SNAPC4: variants seen among roughly 807,000 people sequenced by gnomAD.
SNAPC4 encodes small nuclear RNA activating complex polypeptide 4.
In SNAPC4, 127 loss-of-function variants were observed where a neutral mutation model predicts 151.3. The ratio of observed to expected loss-of-function variants is 0.84; its 90% CI spans 0.73 to 0.97. The LOEUF (loss-of-function observed/expected upper bound fraction) is 0.97, where lower values mean the gene tolerates loss of function less well. Among genes scored for constraint, SNAPC4 ranks in the 50% least tolerant of loss-of-function variants. The pLI, the probability that SNAPC4 is intolerant of heterozygous loss-of-function variation, is 0.00. For synonymous variants in SNAPC4, 1,002 were observed against 824.4 expected (o/e 1.22, Z -3.69); for missense variants, 2,186 against 1,935.0 (o/e 1.13, Z -2.43).
At chr9:136,390,486 C>T (rs1201254092) in intron 10 of SNAPC4, among the ~76,000 whole-genome samples, 5 of 124,420 alleles carry the variant, frequency 4.0e-5, no homozygotes, top group African/African-American at 6.1e-5. Flanking sequence ...ACCCGGGAGG[C>T]GGAGCTTGCG....
chr9:136,399,173 C>T (rs1834370214), intron 1 of SNAPC4, among the ~76,000 whole-genome samples: 1 of 152,302 alleles, frequency 6.6e-6, no homozygotes, highest in African/African-American at 2.4e-5. Flanking sequence ...AGCACAGACC[C>T]GGGAGCCCAA....
intron 4 of SNAPC4, 46 bp from the exon 5 acceptor site, chr9:136,395,469 T>C: frequency 1.3e-6 from 2 of 1,597,682 alleles, no homozygotes; most frequent in Non-Finnish European, 1.7e-6. Flanking sequence ...CCAGCAGCAA[T>C]GACTCTCCCT....
chr9:136,384,720 C>T lies in SNAPC4; in HGVS notation c.1420G>A (p.Gly474Ser), dbSNP rs1398043724. The T allele has an allele frequency of 3.5e-6, 5 of 1,434,768 alleles. No individual in the cohort carries two copies. The highest frequency in any genetic ancestry group is 1.4e-5 in the African/African-American group (1 of 70,180). The allele number at this position is 1,434,768 out of a possible 1,614,324, so 88.9% of individuals were successfully genotyped here. A position where few individuals can be genotyped will look rare whatever the true frequency, so the allele number is the denominator to read the frequency against. Residue 474 changes from glycine to serine, a missense_variant and splice_region_variant, in exon 14 of 24, where the codon GGT becomes AGT. Transcript: ENST00000684778. ...GAAGAACAAACTGTCAGCAACTTAC[C>T]GACACCATATTTTTCTATTAATTCA... ...LIELIEKYGV[G>S]HWAKIASELP...
chr9:136,395,418 T>C lies in SNAPC4; in HGVS notation c.351A>G (p.Glu117=). The part of the protein sequence containing the change: ...LLAQNREQQE[E]LMRDLAGSKG... ...TGGACCCAGCCAGATCCCTCATGAG[T>C]TCCTCCTGTGACAGACACAAGGCAG... The change falls in exon 5 of 24, where the codon GAA becomes GAG. Residue 117 remains glutamate (E), a synonymous_variant. Coordinates refer to ENST00000684778, the MANE Select transcript of SNAPC4 (RefSeq NM_003086.4). 4 of 1,612,546 alleles carry C rather than the reference T, an allele frequency of 2.5e-6. No homozygotes were observed. The highest frequency in any genetic ancestry group is 3.4e-6 in the Non-Finnish European group (4 of 1,179,538).
In SNAPC4 at chr9:136,378,692, G is replaced by A. The variant is rs777127827; in HGVS notation, c.3135C>T (p.Pro1045=). The change falls in exon 22 of 24, where the codon CCC becomes CCT. Residue 1045 remains proline, a synonymous_variant. Transcript: ENST00000684778. The stretch of plus-strand genomic sequence containing the variant: ...GCAGTGGGGTGGGGCTGGGGGCTGC[G>A]GGGAGAAAGGGTGGCGCCTCAGGCA... ...QGLPEAPPFL[P]AAPSPTPLPV... is the part of the protein sequence containing the mutation. The A allele has an allele frequency of 1.2e-5, 18 of 1,494,754 alleles. No homozygotes were observed. The highest frequency in any genetic ancestry group is 4.1e-5 in the South Asian group (3 of 74,028). 92.6% of individuals were successfully genotyped at this position (1,494,754 alleles called of 1,614,324 possible). A position where few individuals can be genotyped will look rare whatever the true frequency, so the allele number is the denominator to read the frequency against.
In SNAPC4 at chr9:136,378,740, G is replaced by A. The variant is rs764912947; in HGVS notation, c.3087C>T (p.Pro1029=). Residue 1029 remains proline, a synonymous_variant, in exon 22 of 24, where the codon CCC becomes CCT. Transcript: ENST00000684778. Reference sequence around the variant, plus strand: ...GCAGGCCCTGCTTCCGGGATGCAGCGGGGGCCTGAGACTGTCCGAGACCAC... The same window carrying A: ...GCAGGCCCTGCTTCCGGGATGCAGCAGGGGCCTGAGACTGTCCGAGACCAC... ...PESGLGQSQA[P]AASRKQGLPE... 3.5e-5 allele frequency: 53 copies of A among 1,517,924 alleles called. No individual in the cohort carries two copies. Among genetic ancestry groups the A allele is most frequent in the African/African-American group, 5.5e-5 (4 of 72,652 alleles). The allele number at this position is 1,517,924 out of a possible 1,614,324, so 94.0% of individuals were successfully genotyped here. A position where few individuals can be genotyped will look rare whatever the true frequency, so the allele number is the denominator to read the frequency against.
At chr9:136,389,142 A>G (rs929426093) in intron 10 of SNAPC4, among the ~76,000 whole-genome samples, 2 of 152,156 alleles carry the variant, frequency 1.3e-5, no homozygotes, top group Non-Finnish European at 2.9e-5. Flanking sequence ...GGCTCGGCTC[A>G]GCAAACCCAC....
chr9:136,394,783 C>A lies in SNAPC4; in HGVS notation c.550+17G>T. 2.5e-6 allele frequency: 4 copies of A among 1,612,220 alleles called. No homozygotes were observed. Among genetic ancestry groups the A allele is most frequent in the Non-Finnish European group, 3.4e-6 (4 of 1,178,886 alleles). On this transcript the variant is annotated intron_variant, in intron 6 of 23. Transcript: ENST00000684778. ...TCCCAAGCTCAGGGGTGCCGCAGGG[C>A]CGGCCAGGGCTCTTACATTTGGTCA...
Position 136,383,758 on chromosome 9 carries a change from C to T in SNAPC4, c.1501-90G>A, listed in dbSNP as rs1017217971. ...CAGGCCAGCCCTTTGGGGAGAGGCC[C>T]AAGCGGGGGCGCCTCCGGGGTCAAG... On this transcript the variant is annotated intron_variant, in intron 15 of 23. Transcript: ENST00000684778. The surrounding 1 kb of genome is among the most constrained non-coding windows in gnomAD (Gnocchi z 4.2). The T allele has an allele frequency of 1.6e-5, 24 of 1,506,894 alleles. No individual in the cohort carries two copies. The highest frequency in any genetic ancestry group is 2.2e-5 in the Non-Finnish European group (24 of 1,112,274). The allele number at this position is 1,506,894 out of a possible 1,614,324, so 93.3% of individuals were successfully genotyped here.
chr9:136,381,524 G>T, intron 18 of SNAPC4, 132 bp from the exon 19 acceptor site: 1 of 836,442 alleles, frequency 1.2e-6, no homozygotes, highest in Non-Finnish European at 1.9e-6. Flanking sequence ...GGGAGGGGAG[G>T]CCTTGGAACC....
At chr9:136,385,031 G>GC (rs1833845175) in intron 13 of SNAPC4, among the ~76,000 whole-genome samples, 1 of 152,210 alleles carries the variant, frequency 6.6e-6, no homozygotes, top group South Asian at 2.1e-4. Context: ...GAGAACGTTT[G>GC]CAAGTCACGT....
Position 136,380,818 on chromosome 9 carries a change from C to A in SNAPC4, c.2421G>T (p.Glu807Asp), listed in dbSNP as rs771588868. ...LFHIDTAGCL[E>D]VVRERKALPP... ...GCAGGGCCTTCCTCTCTCGGACGAC[C>A]TCCAAGCAGCCGGCAGTATCGATGT... Residue 807 changes from glutamate (E) to aspartate (D), a missense_variant, in exon 20 of 24, where the codon GAG (glutamate) becomes GAT (aspartate). Transcript: ENST00000684778. The A allele has an allele frequency of 6.2e-7, 1 of 1,611,452 alleles. No homozygotes were observed. Among genetic ancestry groups the A allele is most frequent in the Non-Finnish European group, 8.5e-7 (1 of 1,178,626 alleles).
intron 13 of SNAPC4, among the ~76,000 whole-genome samples, chr9:136,385,291 T>C (rs952584548): frequency 3.3e-5 from 5 of 152,168 alleles, no homozygotes; most frequent in African/African-American, 9.7e-5. Flanking sequence ...CAAGTGCTGG[T>C]GAGAGTGTGG....
chr9:136,381,586 C>A (rs1444694227), intron 18 of SNAPC4, among the ~76,000 whole-genome samples, 194 bp from the exon 19 acceptor site: 1 of 152,182 alleles, frequency 6.6e-6, no homozygotes, highest in Non-Finnish European at 1.5e-5. Context: ...GCCCTGTCAC[C>A]ACCAAGCTGC....
At chr9:136,395,191 A>G in intron 5 of SNAPC4, 107 bp downstream of exon 5, 1 of 1,417,144 alleles carries the variant, frequency 7.1e-7, no homozygotes, top group Non-Finnish European at 9.6e-7. Flanking sequence ...GGCCAATGTT[A>G]TCTTGAACTC....
chr9:136,388,764 T>C (rs73670247), intron 10 of SNAPC4, among the ~76,000 whole-genome samples, 173 bp from the exon 11 acceptor site: 1,632 of 152,250 alleles, frequency 0.011, 25 homozygotes, highest in African/African-American at 0.036. Flanking sequence ...CACCCCACGG[T>C]AGGAAGACAA....
chr9:136,377,810 C>A lies in SNAPC4; in HGVS notation c.4017G>T (p.Arg1339=). 1.2e-6 allele frequency: 2 copies of A among 1,611,584 alleles called. No individual in the cohort carries two copies. Among genetic ancestry groups the A allele is most frequent in the South Asian group, 1.1e-5 (1 of 91,060 alleles). Residue 1339 remains arginine, a synonymous_variant, in exon 22 of 24, where the codon CGG becomes CGT. Transcript: ENST00000684778. ...GTGAGGCTTGCAGTGCTCCGGCCGG[C>A]CGCTCAGCCTCGCCCCCCACCACCA... ...TSLVVGGEAE[R]PAGALQASLG...
Position 136,378,997 on chromosome 9 carries a change from C to T in SNAPC4, c.2830G>A (p.Gly944Ser). 4 of 1,607,252 alleles carry T rather than the reference C, an allele frequency of 2.5e-6. No individual in the cohort carries two copies. Among genetic ancestry groups the T allele is most frequent in the East Asian group, 2.2e-5 (1 of 44,646 alleles). Residue 944 changes from glycine to serine, a missense_variant, in exon 22 of 24, where the codon GGT becomes AGT. By Grantham distance (56) the Gly-to-Ser change is moderately conservative. Transcript: ENST00000684778. The stretch of plus-strand genomic sequence containing the variant: ...AGCGGTACATTTAAGACGGTGGGAC[C>T]CGGGGCTGGGCGGCCGTGTGGGGTG... ...PHTPHGRPAP[G>S]PTVLNVPLSG...
Position 136,378,738 on chromosome 9 carries a change from G to T in SNAPC4, c.3089C>A (p.Ala1030Asp). The T allele has an allele frequency of 6.6e-7, 1 of 1,516,306 alleles. No individual in the cohort carries two copies. 93.9% of individuals were successfully genotyped at this position (1,516,306 alleles called of 1,614,324 possible). The change falls in exon 22 of 24, where the codon GCT (alanine) becomes GAT (aspartate). Residue 1030 changes from alanine to aspartate, a missense_variant. Transcript: ENST00000684778. ...ESGLGQSQAP[A>D]ASRKQGLPEA... ...AGGCAGGCCCTGCTTCCGGGATGCA[G>T]CGGGGGCCTGAGACTGTCCGAGACC... is the stretch of plus-strand genomic sequence containing the variant.
Sources: allele counts gnomAD v4.1 joint callset (sites outside exome capture counted in the v4.1 genomes callset), GRCh38; gene constraint gnomAD v4.1.1; non-coding constraint Gnocchi (gnomAD v3.1); transcripts MANE v1.5; gene names NCBI Gene and HGNC (gene_info 2026-07-23, HGNC 2026-07-21).